The following NTRK2 variants were observed in gnomAD, a reference collection of about 807,000 sequenced individuals.
The protein encoded by NTRK2 is BDNF/NT-3 growth factors receptor.
Under a neutral mutation model 94.5 loss-of-function variants are expected in NTRK2, and 13 were observed. That is an observed-to-expected ratio of 0.14 (90% CI 0.09 to 0.22). NTRK2 has a LOEUF of 0.22. Among genes scored for constraint, NTRK2 ranks in the 10% least tolerant of loss-of-function variants. The pLI is 1.00. For synonymous variants in NTRK2, 372 were observed against 407.4 expected (o/e 0.91, Z 1.05); for missense variants, 639 against 1,071.2 (o/e 0.60, Z 5.63).
At chr9:84,864,557 C>T (rs1423715406) in intron 13 of NTRK2, among the ~76,000 whole-genome samples, 2 of 152,036 alleles carry the variant, frequency 1.3e-5, no homozygotes, top group Non-Finnish European at 2.9e-5. Flanking sequence ...AAGGTGGTGC[C>T]TGGAATCTAC....
chr9:84,702,000 A>G (rs550402736), intron 2 of NTRK2, among the ~76,000 whole-genome samples, 159 bp from the exon 3 acceptor site: 1 of 152,324 alleles, frequency 6.6e-6, no homozygotes, highest in East Asian at 1.9e-4. Context: ...CTGCTCAGTC[A>G]TGCTCAGTTT....
intron 14 of NTRK2, chr9:84,874,353 T>C (rs2075988501): frequency 9.4e-7 from 1 of 1,065,102 alleles, no homozygotes; most frequent in South Asian, 4.5e-5. Flanking sequence ...GCAGCTATTA[T>C]AACAAAGTGA....
chr9:85,017,716 G>A (rs1186768106), intron 17 of NTRK2, among the ~76,000 whole-genome samples: 1 of 152,152 alleles, frequency 6.6e-6, no homozygotes, highest in Non-Finnish European at 1.5e-5. Flanking sequence ...AACTTCTGGG[G>A]TTGTTAAAAT....
At chr9:84,984,370 G>A (rs532985999) in intron 17 of NTRK2, among the ~76,000 whole-genome samples, 2 of 152,274 alleles carry the variant, frequency 1.3e-5, no homozygotes, top group African/African-American at 4.8e-5. Flanking sequence ...CTACTTGGTG[G>A]CTGAGGCATG....
chr9:84,677,505 C>T (rs1045579542), intron 2 of NTRK2, among the ~76,000 whole-genome samples: 3 of 152,064 alleles, frequency 2.0e-5, no homozygotes, highest in African/African-American at 7.2e-5. Context: ...CGTGAAGGGC[C>T]CTTTACAGAC....
intron 14 of NTRK2, chr9:84,877,620 G>T: frequency 9.4e-7 from 1 of 1,065,650 alleles, no homozygotes; most frequent in Non-Finnish European, 1.1e-6. Flanking sequence ...GCTGCGGTAG[G>T]ATAGGGAAGG....
At chr9:84,998,156 C>A (rs1018536399) in intron 17 of NTRK2, among the ~76,000 whole-genome samples, 31 of 152,230 alleles carry the variant, frequency 2.0e-4, no homozygotes, top group African/African-American at 7.5e-4. Flanking sequence ...AAATGATCCC[C>A]TATTCTTCCC....
intron 14 of NTRK2, among the ~76,000 whole-genome samples, chr9:84,899,090 G>A (rs2076848589): frequency 6.6e-6 from 1 of 152,142 alleles, no homozygotes; most frequent in Non-Finnish European, 1.5e-5. Context: ...TTTGAGCACT[G>A]AAATATGGGA....
intron 12 of NTRK2, among the ~76,000 whole-genome samples, chr9:84,752,858 T>C (rs2064762675): frequency 6.6e-6 from 1 of 152,218 alleles, no homozygotes; most frequent in Non-Finnish European, 1.5e-5. Flanking sequence ...CTCCTATAGA[T>C]AGACACTATT....
At chr9:84,757,933 A>G (rs1019650703) in intron 12 of NTRK2, among the ~76,000 whole-genome samples, 2 of 152,144 alleles carry the variant, frequency 1.3e-5, no homozygotes, top group African/African-American at 4.8e-5. Flanking sequence ...TGCCTTTCCA[A>G]TTTAGTCTCC....
At position 84,745,097 on chromosome 9, in the gene NTRK2, G is replaced by A. The variant is rs1449772658; in HGVS notation, c.1296+24G>A. The A allele has an allele frequency of 2.6e-6, 4 of 1,563,060 alleles. No individual in the cohort carries two copies. In the African/African-American group the frequency reaches 5.4e-5, roughly 21 times the overall value. Reference sequence around the variant, plus strand: ...CGGTGAGTGGAATAAATAGGTGTCTGAATTGGTTCTGAGCATTTTGGATGC... The same window carrying A: ...CGGTGAGTGGAATAAATAGGTGTCTAAATTGGTTCTGAGCATTTTGGATGC... On this transcript the variant is annotated intron_variant, in intron 11 of 18. Transcript: ENST00000277120.
At chr9:84,967,176 T>C (rs905853148) in intron 17 of NTRK2, among the ~76,000 whole-genome samples, 1 of 152,178 alleles carries the variant, frequency 6.6e-6, no homozygotes, top group Non-Finnish European at 1.5e-5. Flanking sequence ...AAAGACATCA[T>C]GAGGATCACA....
chr9:84,776,488 C>T (rs979971524), intron 12 of NTRK2, among the ~76,000 whole-genome samples: 3 of 152,176 alleles, frequency 2.0e-5, no homozygotes, highest in South Asian at 2.1e-4. Context: ...TCCCAATGTG[C>T]TGGGATTACA....
intron 12 of NTRK2, among the ~76,000 whole-genome samples, chr9:84,791,572 A>G (rs2068739150): frequency 6.6e-6 from 1 of 152,222 alleles, no homozygotes; most frequent in Non-Finnish European, 1.5e-5. Flanking sequence ...TCCAGAGAAC[A>G]CATGTGGTTT....
At chr9:84,873,483 T>G (rs1489708937) in intron 14 of NTRK2, 1 of 1,059,282 alleles carries the variant, frequency 9.4e-7, no homozygotes, top group Admixed American at 5.4e-5. Context: ...ATACAATTCC[T>G]TCCCCCTCTC....
intron 2 of NTRK2, among the ~76,000 whole-genome samples, chr9:84,681,587 T>G (rs2059394106): frequency 6.6e-6 from 1 of 152,132 alleles, no homozygotes; most frequent in African/African-American, 2.4e-5. Context: ...AACAAACATC[T>G]AATAAGTACT....
chr9:84,920,803 G>A (rs149517392), intron 14 of NTRK2, among the ~76,000 whole-genome samples: 24 of 152,256 alleles, frequency 1.6e-4, no homozygotes, highest in African/African-American at 4.3e-4. Flanking sequence ...TTCTAAGGAG[G>A]TGCTGCTGGA....
At chr9:84,791,152 C>G (rs2068687004) in intron 12 of NTRK2, among the ~76,000 whole-genome samples, 1 of 152,138 alleles carries the variant, frequency 6.6e-6, no homozygotes, top group African/African-American at 2.4e-5. Context: ...GTTTTAATGA[C>G]TGCACAACAT....
In NTRK2 at chr9:84,991,197, G is replaced by A. The variant is rs12380044; in HGVS notation, c.2173-29009G>A. On this transcript the variant is annotated intron_variant, in intron 17 of 18. Coordinates refer to ENST00000277120, the MANE Select transcript of NTRK2 (RefSeq NM_006180.6). ...ATGATTTTCTAGCAGAGCAAAAACA[G>A]TAATTTGTTTTTGCCCTCAGTGGCA... Among the ~76,000 whole-genome samples the A allele has an allele frequency of 6.5e-3, 989 of 152,334 alleles. 5 individuals carry two copies. Among genetic ancestry groups the A allele is most frequent in the Middle Eastern group, 0.031 (9 of 294 alleles).
Sources: allele counts gnomAD v4.1 joint callset (sites outside exome capture counted in the v4.1 genomes callset), GRCh38; gene constraint gnomAD v4.1.1; transcripts MANE v1.5; gene names NCBI Gene and HGNC (gene_info 2026-07-23, HGNC 2026-07-21).